The following ZNF660 variants were observed in gnomAD, a reference collection of about 807,000 sequenced individuals.
ZNF660 encodes the protein zinc finger protein 660.
In ZNF660, 24 loss-of-function variants were observed where a neutral mutation model predicts 23.2. That is an observed-to-expected ratio of 1.04 (90% confidence interval 0.75 to 1.46). The LOEUF is 1.46. ZNF660 is among the 40% of genes most tolerant of loss of function. The pLI, the probability that ZNF660 is intolerant of heterozygous loss-of-function variation, is 0.00. For synonymous variants in ZNF660, 117 were observed against 131.4 expected (o/e 0.89, Z 0.75); for missense variants, 373 against 396.8 (o/e 0.94, Z 0.51).
At chr3:44,591,733 G>A (rs1167743807) in intron 2 of ZNF660, among the ~76,000 whole-genome samples, 3 of 152,228 alleles carry the variant, frequency 2.0e-5, no homozygotes, top group Non-Finnish European at 4.4e-5. Flanking sequence ...AGTGGTTCAC[G>A]CCTGTAATCC....
At position 44,595,029 on chromosome 3, in the gene ZNF660, G is replaced by A; in HGVS notation, c.836G>A (p.Cys279Tyr). Residue 279 changes from cysteine (C) to tyrosine (Y), a missense_variant, in exon 3 of 3, where the codon TGT becomes TAT. Physicochemically the swap from Cys to Tyr is radical, Grantham distance 194. Transcript: ENST00000322734. Reference sequence around the variant, plus strand: ...GAGAAACCCTATAAATGTAATGAATGTGGGAAAACCTTCAGGCAGACTTCT... The same window carrying A: ...GAGAAACCCTATAAATGTAATGAATATGGGAAAACCTTCAGGCAGACTTCT... ...TGEKPYKCNE[C>Y]GKTFRQTSQV... is the part of the protein sequence containing the mutation. 1 of 1,614,020 alleles carries A rather than the reference G, an allele frequency of 6.2e-7. No individual in the cohort carries two copies. Among genetic ancestry groups the A allele is most frequent in the Admixed American group, 1.7e-5 (1 of 60,016 alleles).
chr3:44,586,388 GTT>G lies in ZNF660; in HGVS notation c.-181+178_-181+179del, dbSNP rs1310390009. ...GGGCCTCTGGACCTTGAGGAGTAGA[GTT>G]TTGTTTCAGATGGGAATAAGGGTGA... On this transcript the variant is annotated intron_variant, in intron 2 of 2. Coordinates refer to ENST00000322734, the MANE Select transcript of ZNF660 (RefSeq NM_173658.4). 5 of 152,350 alleles carry G rather than the reference GTT, an allele frequency of 3.3e-5. No individual in the cohort carries two copies. The East Asian group carries it at 9.6e-4, about 29-fold the overall frequency. The allele number at this position is 152,350 out of a possible 1,614,324, so 9.4% of individuals were successfully genotyped here. A position where few individuals can be genotyped will look rare whatever the true frequency, so the allele number is the denominator to read the frequency against.
chr3:44,595,675 T>C lies in ZNF660; in HGVS notation c.*486T>C, dbSNP rs1044683174. The C allele has an allele frequency of 1.2e-5, 2 of 167,492 alleles. No individual in the cohort carries two copies. The highest frequency in any genetic ancestry group is 1.3e-4 in the Admixed American group (2 of 15,328). 10.4% of individuals were successfully genotyped at this position (167,492 alleles called of 1,614,324 possible). A position where few individuals can be genotyped will look rare whatever the true frequency, so the allele number is the denominator to read the frequency against. ...TACATGAGAATATACTAATTTTATA[T>C]GCAAGAAAAAAAGCACAGTATTTTT... is the stretch of plus-strand genomic sequence containing the variant. On this transcript the variant is annotated 3_prime_UTR_variant, in exon 3 of 3. Coordinates refer to ENST00000322734, the MANE Select transcript of ZNF660 (RefSeq NM_173658.4).
chr3:44,596,861 A>C lies in ZNF660; in HGVS notation c.*1672A>C, dbSNP rs897034767. ...TTTCTATCTTCCTCTGCCTTTCTTT[A>C]TGACCAGTCCTCCTTGAAGGTCTTA... On this transcript the variant is annotated 3_prime_UTR_variant, in exon 3 of 3. Coordinates refer to ENST00000322734, the MANE Select transcript of ZNF660 (RefSeq NM_173658.4). The C allele has an allele frequency of 1.3e-5, 2 of 152,208 alleles. No individual in the cohort carries two copies. Among genetic ancestry groups the C allele is most frequent in the Admixed American group, 1.3e-4 (2 of 15,272 alleles). The allele number at this position is 152,208 out of a possible 1,614,324, so 9.4% of individuals were successfully genotyped here.
intron 2 of ZNF660, among the ~76,000 whole-genome samples, chr3:44,589,944 A>G (rs371642972): frequency 1.1e-3 from 150 of 141,684 alleles, no homozygotes; most frequent in African/African-American, 3.7e-3. Context: ...ATTTTCATGT[A>G]TACCAACCCT....
In ZNF660 at chr3:44,599,647, C is replaced by T. The variant is rs1350773744; in HGVS notation, c.*4458C>T. The T allele has an allele frequency of 1.3e-5, 2 of 152,062 alleles. No homozygotes were observed. The highest frequency in any genetic ancestry group is 3.9e-4 in the East Asian group (2 of 5,192). The allele number at this position is 152,062 out of a possible 1,614,324, so 9.4% of individuals were successfully genotyped here. The stretch of plus-strand genomic sequence containing the variant: ...AAACTGGAGTCATGAAATTGTTTTG[C>T]AGGAAGTAGTGATAATTCCTTCAAT... On this transcript the variant is annotated 3_prime_UTR_variant, in exon 3 of 3. Coordinates refer to ENST00000322734, the MANE Select transcript of ZNF660 (RefSeq NM_173658.4).
chr3:44,590,091 C>G (rs1366176967), intron 2 of ZNF660, among the ~76,000 whole-genome samples: 2 of 150,656 alleles, frequency 1.3e-5, no homozygotes, highest in Non-Finnish European at 1.5e-5. Flanking sequence ...CCCTAGTCCT[C>G]TTCATCTCCT....
chr3:44,585,278 T>C (rs1700190525), intron 1 of ZNF660, among the ~76,000 whole-genome samples: 1 of 152,126 alleles, frequency 6.6e-6, no homozygotes, highest in Non-Finnish European at 1.5e-5. Context: ...CAGTGGGCCT[T>C]CCGGGTAGTA....
At chr3:44,591,913 G>A (rs562672732) in intron 2 of ZNF660, among the ~76,000 whole-genome samples, 14 of 152,284 alleles carry the variant, frequency 9.2e-5, no homozygotes, top group East Asian at 3.9e-4. Context: ...AGGGAGAATT[G>A]CTTGAATCCA....
rs1700724550 is a variant in ZNF660 at position 44,599,383 on chromosome 3, G to A, written c.*4194G>A. ...TTTTTTCATAGATGGTGCGTCCTGTGTTAGGTATTACTTGGAAGAAAATTG... is the reference window on the plus strand; with the variant it reads ...TTTTTTCATAGATGGTGCGTCCTGTATTAGGTATTACTTGGAAGAAAATTG... On this transcript the variant is annotated 3_prime_UTR_variant, in exon 3 of 3. Transcript: ENST00000322734. The A allele has an allele frequency of 6.6e-6, 1 of 152,170 alleles. No individual in the cohort carries two copies. The highest frequency in any genetic ancestry group is 1.5e-5 in the Non-Finnish European group (1 of 68,036). 9.4% of individuals were successfully genotyped at this position (152,170 alleles called of 1,614,324 possible).
At position 44,594,385 on chromosome 3, in the gene ZNF660, C is replaced by A; in HGVS notation, c.192C>A (p.Asn64Lys). The A allele has an allele frequency of 6.2e-7, 1 of 1,613,864 alleles. No individual in the cohort carries two copies. Among genetic ancestry groups the A allele is most frequent in the Non-Finnish European group, 8.5e-7 (1 of 1,179,948 alleles). The change falls in exon 3 of 3, where the codon AAC becomes AAA. Residue 64 changes from asparagine to lysine, a missense_variant. Transcript: ENST00000322734. ...GGAAAGCCTTTAGTCAGAGTGCAAA[C>A]CTCACAGTACATGAGCGAATCCACA... ...ECGKAFSQSA[N>K]LTVHERIHTG...
chr3:44,594,377 A>T lies in ZNF660; in HGVS notation c.184A>T (p.Ser62Cys), dbSNP rs1279817950. 1.2e-6 allele frequency: 2 copies of T among 1,614,214 alleles called. No homozygotes were observed. The highest frequency in any genetic ancestry group is 3.3e-5 in the Admixed American group (2 of 60,024). The stretch of plus-strand genomic sequence containing the variant: ...TGAGTGTGGGAAAGCCTTTAGTCAG[A>T]GTGCAAACCTCACAGTACATGAGCG... ...CTECGKAFSQ[S>C]ANLTVHERIH... Residue 62 changes from serine (S) to cysteine (C), a missense_variant, in exon 3 of 3, where the codon AGT (serine) becomes TGT (cysteine). Transcript: ENST00000322734.
rs1003088858 is a variant in ZNF660, at chr3:44,596,117, C to T, written c.*928C>T. 2.4e-5 allele frequency: 4 copies of T among 165,898 alleles called. No individual in the cohort carries two copies. The highest frequency in any genetic ancestry group is 9.7e-5 in the African/African-American group (4 of 41,420). 10.3% of individuals were successfully genotyped at this position (165,898 alleles called of 1,614,324 possible). A position where few individuals can be genotyped will look rare whatever the true frequency, so the allele number is the denominator to read the frequency against. On this transcript the variant is annotated 3_prime_UTR_variant, in exon 3 of 3. Coordinates refer to ENST00000322734, the MANE Select transcript of ZNF660 (RefSeq NM_173658.4). ...GACTCAAAAACTTCAGATACAGTCA[C>T]CAGTTAATATAAAACTAGTGGGAGA... is the stretch of plus-strand genomic sequence containing the variant.
chr3:44,585,678 C>T (rs1424842787), intron 1 of ZNF660, among the ~76,000 whole-genome samples: 1 of 152,166 alleles, frequency 6.6e-6, no homozygotes, highest in Non-Finnish European at 1.5e-5. Context: ...CTTTTAAAGA[C>T]TTGTTTCTTT....
In ZNF660 at chr3:44,594,683, T is replaced by C. The variant is rs1294205816; in HGVS notation, c.490T>C (p.Cys164Arg). The C allele has an allele frequency of 1.2e-6, 2 of 1,614,170 alleles. No homozygotes were observed. Among genetic ancestry groups the C allele is most frequent in the Non-Finnish European group, 1.7e-6 (2 of 1,180,040 alleles). The change falls in exon 3 of 3, where the codon TGT becomes CGT. Residue 164 changes from cysteine to arginine, a missense_variant. By Grantham distance (180) the Cys-to-Arg change is radical (BLOSUM62 -3). Coordinates refer to ENST00000322734, the MANE Select transcript of ZNF660 (RefSeq NM_173658.4). ...RVHTGEKPYS[C>R]IECGKAFSRS... ...TCACACCGGAGAGAAGCCCTATTCT[T>C]GTATTGAGTGTGGGAAAGCCTTTAG...
Position 44,595,055 on chromosome 3 carries a change from C to G in ZNF660, c.862C>G (p.Gln288Glu), listed in dbSNP as rs765273465. The G allele has an allele frequency of 3.1e-6, 5 of 1,613,682 alleles. No individual in the cohort carries two copies. Among genetic ancestry groups the G allele is most frequent in the South Asian group, 2.2e-5 (2 of 91,054 alleles). The change falls in exon 3 of 3, where the codon CAA becomes GAA. Residue 288 changes from glutamine (Q) to glutamate (E), a missense_variant. Physicochemically the swap from Gln to Glu is conservative, Grantham distance 29. Coordinates refer to ENST00000322734, the MANE Select transcript of ZNF660 (RefSeq NM_173658.4). ...ECGKTFRQTS[Q>E]VILHLRTHTK... ...TGGGAAAACCTTCAGGCAGACTTCT[C>G]AAGTTATTCTACACTTGAGAACCCA...
rs1231770241 is a variant in ZNF660, at chr3:44,595,801, T to C, written c.*612T>C. 6.0e-6 allele frequency: 1 copy of C among 167,116 alleles called. No individual in the cohort carries two copies. The highest frequency in any genetic ancestry group is 1.5e-5 in the Non-Finnish European group (1 of 68,126). The allele number at this position is 167,116 out of a possible 1,614,324, so 10.4% of individuals were successfully genotyped here. ...TGGGATTGCACCCTGACACTGGCATTTAGCAGCAGTGGAACCGCGAGCAAG... is the reference window on the plus strand; with the variant it reads ...TGGGATTGCACCCTGACACTGGCATCTAGCAGCAGTGGAACCGCGAGCAAG... On this transcript the variant is annotated 3_prime_UTR_variant, in exon 3 of 3. Coordinates refer to ENST00000322734, the MANE Select transcript of ZNF660 (RefSeq NM_173658.4).
intron 2 of ZNF660, among the ~76,000 whole-genome samples, chr3:44,588,394 A>C (rs1440182543): frequency 6.6e-6 from 1 of 152,186 alleles, no homozygotes; most frequent in African/African-American, 2.4e-5. Flanking sequence ...TCACCTCCCA[A>C]CAGGCCCACC....
Position 44,590,443 on chromosome 3 carries a change from T to G in ZNF660, c.-180-3571T>G, listed in dbSNP as rs1034974175. Among the ~76,000 whole-genome samples, 4 of 152,160 alleles carry G rather than the reference T, an allele frequency of 2.6e-5. No individual in the cohort carries two copies. In the East Asian group the frequency reaches 7.7e-4, roughly 29 times the overall value. On this transcript the variant is annotated intron_variant, in intron 2 of 2. Transcript: ENST00000322734. ...ATGTAAGAGAACTTTCTTGTGTTTC[T>G]TTTTATAAGGACATGAATTCTGTTG...
Sources: allele counts gnomAD v4.1 joint callset (sites outside exome capture counted in the v4.1 genomes callset), GRCh38; gene constraint gnomAD v4.1.1; transcripts MANE v1.5; gene names NCBI Gene and HGNC (gene_info 2026-07-23, HGNC 2026-07-21).